The following EIF4G3 variants were observed in gnomAD, a reference collection of about 807,000 sequenced individuals.
EIF4G3 encodes eIF-4-gamma 3.
In EIF4G3, 34 loss-of-function variants were observed where a neutral mutation model predicts 186.4. The observed-to-expected ratio is 0.18, with a 90% CI of 0.14 to 0.24. The LOEUF (loss-of-function observed/expected upper bound fraction) is 0.24, where lower values mean the gene tolerates loss of function less well. Ranked by LOEUF, EIF4G3 falls within the 10% of genes least tolerant of loss-of-function variation. The pLI is 1.00. For synonymous variants in EIF4G3, 673 were observed against 679.5 expected (o/e 0.99, Z 0.15); for missense variants, 1,536 against 1,948.5 (o/e 0.79, Z 3.99).
chr1:20,968,336 C>T (rs1274956352), intron 12 of EIF4G3, among the ~76,000 whole-genome samples: 1 of 152,070 alleles, frequency 6.6e-6, no homozygotes, highest in Non-Finnish European at 1.5e-5. Flanking sequence ...TGTGCGACCA[C>T]GCCCAGCTAA....
chr1:21,153,026 G>T (rs919773906), intron 2 of EIF4G3, among the ~76,000 whole-genome samples: 5 of 152,144 alleles, frequency 3.3e-5, no homozygotes, highest in Non-Finnish European at 5.9e-5. Flanking sequence ...ATCACAAAAT[G>T]ATTCCTAAAT....
chr1:21,072,390 T>C (rs2095468959), intron 3 of EIF4G3, among the ~76,000 whole-genome samples: 1 of 151,892 alleles, frequency 6.6e-6, no homozygotes, highest in African/African-American at 2.4e-5. Context: ...GACATTTAAT[T>C]TTTTTATTTT....
chr1:20,934,986 G>C (rs77357123), intron 14 of EIF4G3, among the ~76,000 whole-genome samples: 10,476 of 152,080 alleles, frequency 0.069, 612 homozygotes, highest in East Asian at 0.25. Flanking sequence ...AGGGATCTTT[G>C]TATTACTCAT....
intron 4 of EIF4G3, among the ~76,000 whole-genome samples, chr1:21,010,099 A>G (rs1243171403): frequency 1.3e-5 from 2 of 152,220 alleles, no homozygotes; most frequent in African/African-American, 4.8e-5. Flanking sequence ...ATGAAACTGA[A>G]AAAATAAATG....
At chr1:20,961,285 A>G (rs567813383) in intron 12 of EIF4G3, among the ~76,000 whole-genome samples, 1 of 152,256 alleles carries the variant, frequency 6.6e-6, no homozygotes, top group African/African-American at 2.4e-5. Flanking sequence ...CGGGAGGCTG[A>G]GGCAGGAGAA....
At chr1:21,114,708 A>C (rs2096786572) in intron 2 of EIF4G3, among the ~76,000 whole-genome samples, 1 of 150,078 alleles carries the variant, frequency 6.7e-6, no homozygotes. Flanking sequence ...GAAGGCCAAC[A>C]CTTAATAAAA....
At chr1:21,159,534 C>T (rs533278061) in intron 2 of EIF4G3, among the ~76,000 whole-genome samples, 8 of 150,700 alleles carry the variant, frequency 5.3e-5, no homozygotes, top group Middle Eastern at 3.6e-3. Flanking sequence ...GTCAGGAGTT[C>T]GAGACAAGAC....
chr1:21,011,950 T>C (rs1014878966), intron 4 of EIF4G3, among the ~76,000 whole-genome samples: 2 of 152,176 alleles, frequency 1.3e-5, no homozygotes, highest in African/African-American at 4.8e-5. Context: ...GGATAAACTA[T>C]GCTTATACAC....
At chr1:21,049,106 A>T (rs1446222071) in intron 4 of EIF4G3, among the ~76,000 whole-genome samples, 1 of 152,204 alleles carries the variant, frequency 6.6e-6, no homozygotes, top group Non-Finnish European at 1.5e-5. Context: ...TGCAGTAAGG[A>T]GCCTTTTAGC....
At chr1:20,892,496 C>A (rs1012405459) in intron 18 of EIF4G3, 2 of 767,294 alleles carry the variant, frequency 2.6e-6, no homozygotes, top group African/African-American at 3.5e-5. Context: ...CAATACTGCA[C>A]TCTTTTGTAC....
At chr1:20,966,596 C>T (rs1455825924) in intron 12 of EIF4G3, among the ~76,000 whole-genome samples, 1 of 151,838 alleles carries the variant, frequency 6.6e-6, no homozygotes, top group African/African-American at 2.4e-5. Context: ...CTCAGCCTCC[C>T]GAGTAGCTGG....
intron 32 of EIF4G3, among the ~76,000 whole-genome samples, chr1:20,826,481 C>CTTTTTTTTT (rs71014120): frequency 3.9e-5 from 2 of 50,656 alleles, no homozygotes; most frequent in Non-Finnish European, 6.9e-5. Context: ...GTGAGTCTTT[C>CTTTTTTTTT]TTTTTTTTTT....
intron 3 of EIF4G3, among the ~76,000 whole-genome samples, chr1:21,064,007 C>T (rs1045877373): frequency 6.6e-6 from 1 of 151,978 alleles, no homozygotes; most frequent in South Asian, 2.1e-4. Flanking sequence ...GGATTACAGG[C>T]ATGAGCCACC....
intron 4 of EIF4G3, among the ~76,000 whole-genome samples, chr1:21,038,245 A>C (rs1255565237): frequency 1.3e-5 from 2 of 152,194 alleles, no homozygotes; most frequent in African/African-American, 2.4e-5. Context: ...ATACAGCATG[A>C]CAACTCAGTT....
intron 4 of EIF4G3, among the ~76,000 whole-genome samples, chr1:21,023,656 T>A (rs963599495): frequency 2.0e-5 from 3 of 151,934 alleles, no homozygotes; most frequent in Non-Finnish European, 2.9e-5. Context: ...AGTGCCGAGA[T>A]TGCAGCCTCT....
rs879366821 is a variant in EIF4G3, at chr1:20,832,628, G to A, written c.4062-3356C>T. On this transcript the variant is annotated intron_variant, in intron 30 of 36. Transcript: ENST00000602326. Reference sequence around the variant, plus strand: ...TCTTTAGTTTAATTAGATCCCATTTGTCAATTTTGTCTTTTGTTGCCATTG... The same window carrying A: ...TCTTTAGTTTAATTAGATCCCATTTATCAATTTTGTCTTTTGTTGCCATTG... Among the ~76,000 whole-genome samples, 189 of 150,344 alleles carry A rather than the reference G, an allele frequency of 1.3e-3. 2 individuals carry two copies. Among genetic ancestry groups the A allele is most frequent in the Middle Eastern group, 0.01 (3 of 292 alleles).
chr1:21,158,666 C>G (rs1226406966), intron 2 of EIF4G3, among the ~76,000 whole-genome samples: 6 of 152,074 alleles, frequency 3.9e-5, no homozygotes, highest in African/African-American at 1.2e-4. Context: ...ATCCCCCCTA[C>G]TCAAGAAGCT....
chr1:20,916,586 G>GA lies in EIF4G3; in HGVS notation c.1664-11616dup, dbSNP rs1244798951. On this transcript the variant is annotated intron_variant, in intron 14 of 36. Transcript: ENST00000602326. ...AATTTCAACTGTCTTTTTTTTGCAG[G>GA]AAAAAATATAGAAAAAAACTGATTA... Among the ~76,000 whole-genome samples the GA allele has an allele frequency of 4.0e-5, 6 of 151,478 alleles. No homozygotes were observed. The East Asian group carries it at 7.7e-4, about 19-fold the overall frequency.
At chr1:21,124,112 G>A (rs577622865) in intron 2 of EIF4G3, among the ~76,000 whole-genome samples, 2 of 152,118 alleles carry the variant, frequency 1.3e-5, no homozygotes, top group South Asian at 2.1e-4. Context: ...CCAACATGAT[G>A]AAACCCCATC....
Sources: gnomAD v4.1 joint callset for allele counts (sites outside exome capture counted in the v4.1 genomes callset) on GRCh38, gnomAD v4.1.1 for gene constraint, MANE v1.5 for transcripts, NCBI Gene and HGNC (gene_info 2026-07-23, HGNC 2026-07-21) for gene names.